The following SOX5 variants were observed in gnomAD, a reference collection of about 807,000 sequenced individuals.
SOX5 encodes the protein SRY-box transcription factor 5.
In SOX5, 9 loss-of-function variants were observed where a neutral mutation model predicts 92.0. The ratio of observed to expected loss-of-function variants is 0.10; its 90% CI spans 0.06 to 0.17. The LOEUF is 0.17. SOX5 is among the 10% of genes least tolerant of loss of function. SOX5 has a pLI of 1.00. For synonymous variants in SOX5, 344 were observed against 336.3 expected, an observed-to-expected ratio of 1.02 and a Z score of -0.25; for missense variants, 642 against 944.5, an observed-to-expected ratio of 0.68 and a Z score of 4.20.
intron 12 of SOX5, among the ~76,000 whole-genome samples, chr12:23,545,406 C>T (rs1476541546): frequency 6.6e-6 from 1 of 152,180 alleles, no homozygotes; most frequent in Non-Finnish European, 1.5e-5. Context: ...CCTTCTTTTT[C>T]CCTCTTTGCT....
At chr12:24,021,488 C>T (rs556680954) in intron 4 of SOX5, among the ~76,000 whole-genome samples, 3 of 152,140 alleles carry the variant, frequency 2.0e-5, no homozygotes, top group Non-Finnish European at 4.4e-5. Flanking sequence ...TCCACACCAA[C>T]GAGCTATTAA....
intron 4 of SOX5, among the ~76,000 whole-genome samples, chr12:24,019,472 A>G (rs954296273): frequency 6.6e-6 from 1 of 152,224 alleles, no homozygotes; most frequent in Non-Finnish European, 1.5e-5. Context: ...ATAGGGATCC[A>G]CTGGCCCATC....
chr12:23,770,303 G>C (rs2094890660), intron 3 of SOX5, among the ~76,000 whole-genome samples: 2 of 151,352 alleles, frequency 1.3e-5, no homozygotes, highest in South Asian at 4.2e-4. Flanking sequence ...ACCCAACGCA[G>C]AGGACTACTA....
intron 2 of SOX5, among the ~76,000 whole-genome samples, chr12:23,874,449 G>A (rs2096906139): frequency 6.6e-6 from 1 of 152,092 alleles, no homozygotes; most frequent in Admixed American, 6.6e-5. Context: ...ACTTTTGAGG[G>A]AAGCCCAATT....
intron 4 of SOX5, among the ~76,000 whole-genome samples, chr12:23,957,696 A>G (rs1461301856): frequency 6.6e-6 from 1 of 152,206 alleles, no homozygotes. Context: ...TGTTGTTAAT[A>G]AAATGACTGA....
At chr12:24,388,053 A>G (rs78824831) in intron 1 of SOX5, among the ~76,000 whole-genome samples, 3,948 of 152,298 alleles carry the variant, frequency 0.026, 79 homozygotes, top group East Asian at 0.051. Flanking sequence ...AGGCAGAAAT[A>G]GAGTTTGCAA....
At chr12:24,062,472 C>T (rs1939916824) in intron 4 of SOX5, among the ~76,000 whole-genome samples, 1 of 152,166 alleles carries the variant, frequency 6.6e-6, no homozygotes, top group Non-Finnish European at 1.5e-5. Flanking sequence ...TTCTGTGTGA[C>T]AGGGACTGAT....
At chr12:24,226,061 T>C (rs1181848358) in intron 3 of SOX5, among the ~76,000 whole-genome samples, 1 of 152,228 alleles carries the variant, frequency 6.6e-6, no homozygotes, top group Non-Finnish European at 1.5e-5. Context: ...AGTATTGGCC[T>C]GAAGTACCAT....
At chr12:24,481,270 G>A (rs1361894870) in intron 1 of SOX5, among the ~76,000 whole-genome samples, 1 of 152,114 alleles carries the variant, frequency 6.6e-6, no homozygotes, top group African/African-American at 2.4e-5. Flanking sequence ...AAGCGTAGTG[G>A]GGGTGGGGGG....
At chr12:23,755,017 C>A (rs2094317181) in intron 4 of SOX5, among the ~76,000 whole-genome samples, 1 of 151,692 alleles carries the variant, frequency 6.6e-6, no homozygotes, top group African/African-American at 2.4e-5. Flanking sequence ...AGAAAACATA[C>A]TTTTAAATTA....
At chr12:24,087,609 C>T (rs1230221634) in intron 4 of SOX5, among the ~76,000 whole-genome samples, 1 of 152,008 alleles carries the variant, frequency 6.6e-6, no homozygotes, top group African/African-American at 2.4e-5. Flanking sequence ...AGAGCAAATA[C>T]TTGAAAAGGA....
chr12:24,258,516 C>T (rs1257767779), intron 3 of SOX5, among the ~76,000 whole-genome samples: 1 of 152,114 alleles, frequency 6.6e-6, no homozygotes, highest in African/African-American at 2.4e-5. Context: ...TAAAAAGTTA[C>T]CTGTTATTTG....
At chr12:24,404,161 T>C (rs1596330070) in intron 1 of SOX5, among the ~76,000 whole-genome samples, 2 of 152,324 alleles carry the variant, frequency 1.3e-5, no homozygotes, top group South Asian at 4.1e-4. Context: ...AGGAACTTTA[T>C]AGCTAACAGT....
chr12:23,890,974 A>C (rs183441846), intron 2 of SOX5, among the ~76,000 whole-genome samples: 22 of 152,322 alleles, frequency 1.4e-4, no homozygotes, highest in Admixed American at 1.0e-3. Context: ...TGTTGCTCTT[A>C]ATTGCTTGGC....
intron 4 of SOX5, among the ~76,000 whole-genome samples, chr12:24,208,946 T>C (rs918886817): frequency 2.6e-5 from 4 of 152,170 alleles, no homozygotes; most frequent in African/African-American, 9.7e-5. Flanking sequence ...TTAGCAAGAT[T>C]TGGCATGACA....
At chr12:23,885,435 T>G (rs1217707483) in intron 2 of SOX5, among the ~76,000 whole-genome samples, 1 of 152,178 alleles carries the variant, frequency 6.6e-6, no homozygotes, top group Admixed American at 6.5e-5. Flanking sequence ...ACAAACAAGA[T>G]TAATTGTTTT....
intron 4 of SOX5, among the ~76,000 whole-genome samples, chr12:23,975,955 T>A (rs1251019139): frequency 6.6e-6 from 1 of 152,262 alleles, no homozygotes; most frequent in East Asian, 1.9e-4. Context: ...GCTGTAGACA[T>A]CAACTTCACA....
chr12:23,710,317 T>G (rs2091914839), intron 6 of SOX5, among the ~76,000 whole-genome samples: 1 of 152,194 alleles, frequency 6.6e-6, no homozygotes, highest in South Asian at 2.1e-4. Flanking sequence ...TGTATACATG[T>G]GCCATGTTGG....
chr12:23,834,458 T>A (rs905147137), intron 3 of SOX5, among the ~76,000 whole-genome samples: 10 of 151,930 alleles, frequency 6.6e-5, no homozygotes, highest in African/African-American at 2.4e-4. Flanking sequence ...TACTCATTTT[T>A]AAGATAAGAA....
Sources: allele counts gnomAD v4.1 joint callset (sites outside exome capture counted in the v4.1 genomes callset), GRCh38; gene constraint gnomAD v4.1.1; transcripts MANE v1.5; gene names NCBI Gene and HGNC (gene_info 2026-07-23, HGNC 2026-07-21).